The following PRKD1 variants were observed in gnomAD, a reference collection of about 807,000 sequenced individuals.
PRKD1 encodes serine/threonine-protein kinase D1.
PRKD1 carries 63 observed loss-of-function variants against 95.9 expected under a neutral mutation model. The ratio of observed to expected loss-of-function variants is 0.66; its 90% CI spans 0.54 to 0.81. The LOEUF is 0.81. PRKD1 is among the 30% of genes least tolerant of loss of function. The pLI is 0.00. For synonymous variants in PRKD1, 425 were observed against 423.1 expected (o/e 1.00, Z -0.05); for missense variants, 1,048 against 1,165.3 (o/e 0.90, Z 1.47).
intron 13 of PRKD1, among the ~76,000 whole-genome samples, chr14:29,612,048 A>C (rs911791358): frequency 3.3e-5 from 5 of 152,214 alleles, no homozygotes; most frequent in Non-Finnish European, 7.3e-5. Context: ...GATATGCTAA[A>C]TAATGTGTGC....
intron 1 of PRKD1, among the ~76,000 whole-genome samples, chr14:29,883,286 T>TATA (rs1282653742): frequency 6.6e-6 from 1 of 152,204 alleles, no homozygotes; most frequent in Non-Finnish European, 1.5e-5. Flanking sequence ...TACATTTCAA[T>TATA]ATAAGGTTTG....
At chr14:29,710,867 C>G (rs1885305055) in intron 2 of PRKD1, among the ~76,000 whole-genome samples, 1 of 152,056 alleles carries the variant, frequency 6.6e-6, no homozygotes, top group Admixed American at 6.6e-5. Context: ...TACTGAAACC[C>G]TTGCTAGGGT....
At chr14:29,816,326 G>C (rs1013747036) in intron 1 of PRKD1, among the ~76,000 whole-genome samples, 1 of 152,128 alleles carries the variant, frequency 6.6e-6, no homozygotes, top group Non-Finnish European at 1.5e-5. Context: ...AGTACAGAAA[G>C]AAAACCAAGC....
intron 1 of PRKD1, among the ~76,000 whole-genome samples, chr14:29,852,203 A>T (rs1462423180): frequency 6.6e-6 from 1 of 152,200 alleles, no homozygotes; most frequent in Admixed American, 6.5e-5. Flanking sequence ...CCATGTAAAA[A>T]ATCTGCATAT....
intron 1 of PRKD1, among the ~76,000 whole-genome samples, chr14:29,851,236 T>TA (rs1292127125): frequency 1.3e-5 from 2 of 152,118 alleles, no homozygotes; most frequent in Non-Finnish European, 1.5e-5. Context: ...GGGATTCAGT[T>TA]AAACTAAAGA....
intron 2 of PRKD1, among the ~76,000 whole-genome samples, chr14:29,708,114 T>C (rs1171212391): frequency 6.6e-6 from 1 of 152,074 alleles, no homozygotes; most frequent in Non-Finnish European, 1.5e-5. Context: ...CCTAAGGAAT[T>C]AACACATAAT....
chr14:29,585,553 G>A (rs776869389), intron 16 of PRKD1, among the ~76,000 whole-genome samples: 32 of 152,018 alleles, frequency 2.1e-4, no homozygotes, highest in Admixed American at 5.2e-4. Context: ...AAAATTTAAA[G>A]AAGAAATCAA....
At chr14:29,614,431 A>C (rs1329598728) in intron 13 of PRKD1, among the ~76,000 whole-genome samples, 1 of 152,166 alleles carries the variant, frequency 6.6e-6, no homozygotes, top group Non-Finnish European at 1.5e-5. Flanking sequence ...GAATAAAATT[A>C]TTTCTGAGCC....
At chr14:29,783,346 A>C (rs193282858) in intron 1 of PRKD1, among the ~76,000 whole-genome samples, 4 of 152,328 alleles carry the variant, frequency 2.6e-5, no homozygotes, top group Non-Finnish European at 5.9e-5. Context: ...TTTTATGGCT[A>C]AATAGTGTTC....
intron 2 of PRKD1, among the ~76,000 whole-genome samples, chr14:29,691,780 T>C (rs562574902): frequency 6.6e-6 from 1 of 152,256 alleles, no homozygotes; most frequent in South Asian, 2.1e-4. Context: ...AAAGTGATGA[T>C]CACTTTTTCA....
chr14:29,580,624 T>C (rs1401566773), intron 16 of PRKD1, among the ~76,000 whole-genome samples: 1 of 152,138 alleles, frequency 6.6e-6, no homozygotes, highest in South Asian at 2.1e-4. Flanking sequence ...TGCTTGTTAC[T>C]TTTCTGGAAC....
chr14:29,757,422 G>A (rs1193639100), intron 1 of PRKD1, among the ~76,000 whole-genome samples: 1 of 152,132 alleles, frequency 6.6e-6, no homozygotes, highest in Non-Finnish European at 1.5e-5. Flanking sequence ...CATCTCACCT[G>A]AGGTTTGAAG....
intron 2 of PRKD1, among the ~76,000 whole-genome samples, chr14:29,684,465 T>C (rs866627470): frequency 2.2e-4 from 34 of 152,334 alleles, no homozygotes; most frequent in African/African-American, 7.5e-4. Flanking sequence ...TAAATAGCTA[T>C]CTCCTTCAGA....
At chr14:29,622,732 T>C (rs544414153) in intron 13 of PRKD1, among the ~76,000 whole-genome samples, 1 of 152,250 alleles carries the variant, frequency 6.6e-6, no homozygotes, top group South Asian at 2.1e-4. Context: ...CTCGAGTCAG[T>C]AGCTGATACT....
chr14:29,881,380 G>A (rs1474904364), intron 1 of PRKD1, among the ~76,000 whole-genome samples: 1 of 151,870 alleles, frequency 6.6e-6, no homozygotes, highest in Non-Finnish European at 1.5e-5. Context: ...TGATTCTGAG[G>A]CCTCCCAGCC....
chr14:29,584,294 A>C (rs1436316111), intron 16 of PRKD1, among the ~76,000 whole-genome samples: 1 of 151,552 alleles, frequency 6.6e-6, no homozygotes, highest in Non-Finnish European at 1.5e-5. Context: ...TTTTGTATGC[A>C]GAAGGTAGAT....
At chr14:29,731,658 G>A (rs1886441413) in intron 1 of PRKD1, among the ~76,000 whole-genome samples, 1 of 152,024 alleles carries the variant, frequency 6.6e-6, no homozygotes, top group African/African-American at 2.4e-5. Context: ...TTTTCTTGAA[G>A]AATTTATCCG....
intron 1 of PRKD1, among the ~76,000 whole-genome samples, chr14:29,924,175 T>C (rs1261123025): frequency 1.3e-5 from 2 of 152,182 alleles, no homozygotes; most frequent in African/African-American, 4.8e-5. Context: ...ACATATTATA[T>C]AGCCATACAT....
chr14:29,674,880 G>A (rs1024538221), intron 2 of PRKD1, among the ~76,000 whole-genome samples: 1 of 152,202 alleles, frequency 6.6e-6, no homozygotes, highest in African/African-American at 2.4e-5. Flanking sequence ...ACACAGGGAC[G>A]AGGTTCTATG....
Sources: allele counts gnomAD v4.1 joint callset (sites outside exome capture counted in the v4.1 genomes callset), GRCh38; gene constraint gnomAD v4.1.1; transcripts MANE v1.5; gene names NCBI Gene and HGNC (gene_info 2026-07-23, HGNC 2026-07-21).